Variants in ZNF366 observed in about 807,000 individuals in gnomAD.
The protein encoded by ZNF366 is zinc finger protein 366.
ZNF366 carries 20 observed loss-of-function variants against 47.2 expected under a neutral mutation model. The observed-to-expected ratio is 0.42, with a 90% CI of 0.30 to 0.62. The LOEUF is 0.62. Among genes scored for constraint, ZNF366 ranks in the 20% least tolerant of loss-of-function variants. The probability of loss-of-function intolerance (pLI) is 0.16; values close to 1 mark genes in which losing one functional copy is unlikely to be tolerated. For synonymous variants in ZNF366, 421 were observed against 395.1 expected (o/e 1.07, Z -0.78); for missense variants, 987 against 976.3 (o/e 1.01, Z -0.15).
chr5:72,487,601 C>T (rs527738608), intron 1 of ZNF366, among the ~76,000 whole-genome samples: 5 of 152,176 alleles, frequency 3.3e-5, no homozygotes, highest in Admixed American at 2.6e-4. Context: ...CTCTAGCTGC[C>T]AAGGGTCAAC....
chr5:72,448,153 T>C (rs776406925), intron 3 of ZNF366, among the ~76,000 whole-genome samples: 6 of 152,222 alleles, frequency 3.9e-5, no homozygotes, highest in Non-Finnish European at 8.8e-5. Context: ...ATTTTCTAAT[T>C]ACTGGCATGG....
At chr5:72,501,139 G>A (rs1744203169) in intron 1 of ZNF366, among the ~76,000 whole-genome samples, 1 of 152,160 alleles carries the variant, frequency 6.6e-6, no homozygotes, top group African/African-American at 2.4e-5. Flanking sequence ...AAAGTTCTGA[G>A]GAGGCCCCAA....
chr5:72,451,356 A>G (rs1743067521), intron 3 of ZNF366, among the ~76,000 whole-genome samples: 1 of 152,258 alleles, frequency 6.6e-6, no homozygotes, highest in African/African-American at 2.4e-5. Context: ...GGAAAAAAAT[A>G]TTTTAAAGTG....
At chr5:72,469,710 G>A (rs1421753795) in intron 1 of ZNF366, among the ~76,000 whole-genome samples, 1 of 152,174 alleles carries the variant, frequency 6.6e-6, no homozygotes, top group East Asian at 1.9e-4. Context: ...TGCATGTTCA[G>A]TGAACAATCT....
intron 1 of ZNF366, among the ~76,000 whole-genome samples, chr5:72,492,339 C>T (rs1744029502): frequency 6.6e-6 from 1 of 152,142 alleles, no homozygotes; most frequent in Non-Finnish European, 1.5e-5. Flanking sequence ...CATGGAGTGC[C>T]AAGGAGCACT....
intron 1 of ZNF366, among the ~76,000 whole-genome samples, chr5:72,498,104 GA>G (rs1744146756): frequency 6.6e-6 from 1 of 151,874 alleles, no homozygotes; most frequent in South Asian, 2.1e-4. Flanking sequence ...CGTAAAACTA[GA>G]AAGGCCCTTC....
intron 1 of ZNF366, among the ~76,000 whole-genome samples, chr5:72,464,965 G>A (rs879705218): frequency 2.0e-5 from 3 of 151,924 alleles, no homozygotes; most frequent in Non-Finnish European, 4.4e-5. Flanking sequence ...GGCTGAGGCA[G>A]GACGATTGCT....
In ZNF366 at chr5:72,482,112, C is replaced by T. The variant is rs75321029; in HGVS notation, c.-14-20602G>A. On this transcript the variant is annotated intron_variant, in intron 1 of 4. Coordinates refer to ENST00000318442, the MANE Select transcript of ZNF366 (RefSeq NM_152625.3). ...TCCTCCTCTGCACTGTTTCATCAGT[C>T]CATTGGGAAGTACACCATTAGGTTT... Among the ~76,000 whole-genome samples, 708 of 152,210 alleles carry T rather than the reference C, an allele frequency of 4.7e-3. 5 individuals are homozygous for T. The highest frequency in any genetic ancestry group is 0.016 in the African/African-American group (670 of 41,496).
At chr5:72,483,962 T>C (rs995973528) in intron 1 of ZNF366, among the ~76,000 whole-genome samples, 3 of 152,154 alleles carry the variant, frequency 2.0e-5, no homozygotes, top group Non-Finnish European at 4.4e-5. Flanking sequence ...AAGTTCAAAC[T>C]ATGAAAGTAG....
At chr5:72,476,646 G>C (rs1035981359) in intron 1 of ZNF366, among the ~76,000 whole-genome samples, 7 of 152,136 alleles carry the variant, frequency 4.6e-5, no homozygotes, top group Non-Finnish European at 1.0e-4. Flanking sequence ...TGGCCATCTG[G>C]GGTCCAGGTA....
Position 72,447,377 on chromosome 5 carries a change from C to A in ZNF366, c.1565G>T (p.Gly522Val), listed in dbSNP as rs1353063347. 6.2e-7 allele frequency: 1 copy of A among 1,614,046 alleles called. No homozygotes were observed. Among genetic ancestry groups the A allele is most frequent in the Non-Finnish European group, 8.5e-7 (1 of 1,180,026 alleles). ...KEFNRMHNLM[G>V]HMHLHSDSKP... ...GCTGTCTGAGTGCAGGTGCATGTGG[C>A]CCATCAGGTTGTGCATCCGGTTGAA... is the stretch of plus-strand genomic sequence containing the variant. Residue 522 changes from glycine (G) to valine (V), a missense_variant, in exon 4 of 5, where the codon GGC becomes GTC. Physicochemically the swap from Gly to Val is moderately radical, Grantham distance 109. Transcript: ENST00000318442.
chr5:72,481,970 A>G (rs1580248393), intron 1 of ZNF366, among the ~76,000 whole-genome samples: 1 of 152,292 alleles, frequency 6.6e-6, no homozygotes, highest in African/African-American at 2.4e-5. Context: ...GCAAGATATG[A>G]GAGTTTTAAA....
At chr5:72,475,185 A>T (rs1462403432) in intron 1 of ZNF366, among the ~76,000 whole-genome samples, 1 of 152,196 alleles carries the variant, frequency 6.6e-6, no homozygotes, top group Non-Finnish European at 1.5e-5. Context: ...AGCAATCCTG[A>T]AGCCCGCAGC....
At chr5:72,468,910 A>C (rs1467524463) in intron 1 of ZNF366, among the ~76,000 whole-genome samples, 2 of 152,178 alleles carry the variant, frequency 1.3e-5, no homozygotes, top group Non-Finnish European at 2.9e-5. Flanking sequence ...CTCTAACTAG[A>C]ATGTTAGAAT....
chr5:72,500,549 G>A (rs1197779503), intron 1 of ZNF366, among the ~76,000 whole-genome samples: 7 of 152,136 alleles, frequency 4.6e-5, no homozygotes, highest in African/African-American at 1.4e-4. Context: ...TAACTTCATG[G>A]GAGAGATCAC....
chr5:72,443,922 T>C lies in ZNF366; in HGVS notation c.2069A>G (p.Glu690Gly), dbSNP rs1178494115. 1 of 1,614,220 alleles carries C rather than the reference T, an allele frequency of 6.2e-7. No homozygotes were observed. Among genetic ancestry groups the C allele is most frequent in the Admixed American group, 1.7e-5 (1 of 60,026 alleles). ...CTCATCTCTGCCGGCACAGTCTCTC[T>C]CCTGGCCGCCCTCTGCCCCAAGGTC... ...KGDLGAEGGQ[E>G]RDCAGRDECL... The change falls in exon 5 of 5, where the codon GAG becomes GGG. Residue 690 changes from glutamate (E) to glycine (G), a missense_variant. Physicochemically the swap from Glu to Gly is moderately conservative, Grantham distance 98 (BLOSUM62 -2). Coordinates refer to ENST00000318442, the MANE Select transcript of ZNF366 (RefSeq NM_152625.3).
At chr5:72,503,012 C>A (rs568711598) in intron 1 of ZNF366, among the ~76,000 whole-genome samples, 1 of 152,194 alleles carries the variant, frequency 6.6e-6, no homozygotes, top group Admixed American at 6.5e-5. Context: ...GTGATCGCAG[C>A]TACTCGGGAG....
Position 72,461,314 on chromosome 5 carries a change from T to C in ZNF366, c.183A>G (p.Pro61=), listed in dbSNP as rs1239046059. Reference sequence around the variant, plus strand: ...CCCCGGGGAACCCATCTAGGTCTCCTGGGGGAGGTTCATACCGAAACTGGG... The same window carrying C: ...CCCCGGGGAACCCATCTAGGTCTCCCGGGGGAGGTTCATACCGAAACTGGG... ...PFSQFRYEPP[P]GDLDGFPGVF... is the part of the protein sequence containing the mutation. The change falls in exon 2 of 5, where the codon CCA becomes CCG. Residue 61 remains proline (P), a synonymous_variant. Coordinates refer to ENST00000318442, the MANE Select transcript of ZNF366 (RefSeq NM_152625.3). The C allele has an allele frequency of 1.9e-6, 3 of 1,613,900 alleles. No homozygotes were observed. Among genetic ancestry groups the C allele is most frequent in the Admixed American group, 3.3e-5 (2 of 59,988 alleles).
chr5:72,465,096 C>T (rs1028503070), intron 1 of ZNF366, among the ~76,000 whole-genome samples: 4 of 151,976 alleles, frequency 2.6e-5, no homozygotes, highest in African/African-American at 7.2e-5. Context: ...AGGATCTATC[C>T]AGGGAAATTT....
Sources: gnomAD v4.1 joint callset for allele counts (sites outside exome capture counted in the v4.1 genomes callset) on GRCh38, gnomAD v4.1.1 for gene constraint, MANE v1.5 for transcripts, NCBI Gene and HGNC (gene_info 2026-07-23, HGNC 2026-07-21) for gene names.